SATL1: variants seen among roughly 807,000 people sequenced by gnomAD.
SATL1 encodes spermidine/spermine N1-acetyl transferase like 1, also known as spermidine/spermine N(1)-acetyltransferase-like protein 1.
In SATL1, 47 loss-of-function variants were observed where a neutral mutation model predicts 51.8. That is an observed-to-expected ratio of 0.91 (90% CI 0.72 to 1.16). The LOEUF (loss-of-function observed/expected upper bound fraction) is 1.16. SATL1 is among the 50% of genes most tolerant of loss of function. SATL1 has a pLI of 0.00. For missense variants in SATL1, 520 were observed against 526.4 expected (o/e 0.99, Z 0.12); for synonymous variants, 176 against 182.4 (o/e 0.97, Z 0.28).
At chrX:85,144,744 T>C (rs986436704) in intron 2 of SATL1, among the ~76,000 whole-genome samples, 3 of 111,912 alleles carry the variant, frequency 2.7e-5, no homozygotes, top group Non-Finnish European at 3.8e-5. Context: ...GAGTTGGGGC[T>C]GTCTGGGTGC....
At chrX:85,188,889 A>C (rs1246433405) in intron 2 of SATL1, among the ~76,000 whole-genome samples, 2 of 111,356 alleles carry the variant, frequency 1.8e-5, no homozygotes, top group Non-Finnish European at 3.8e-5. Context: ...TTCCCTTCTC[A>C]CTTCTAGTTC....
intron 3 of SATL1, among the ~76,000 whole-genome samples, chrX:85,105,266 G>A (rs1037138075): frequency 2.4e-4 from 27 of 110,768 alleles, no homozygotes; most frequent in African/African-American, 8.8e-4. Flanking sequence ...AAGCATTTTG[G>A]CTGCTGTGTA....
chrX:85,150,919 C>T (rs1170592100), intron 2 of SATL1, among the ~76,000 whole-genome samples: 1 of 110,239 alleles, frequency 9.1e-6, no homozygotes, highest in Non-Finnish European at 1.9e-5. Context: ...ACAGGGATGC[C>T]CTCTCTCACC....
chrX:85,117,843 C>T (rs1026066567), intron 2 of SATL1, among the ~76,000 whole-genome samples: 9 of 111,128 alleles, frequency 8.1e-5, no homozygotes, highest in Non-Finnish European at 3.8e-5. Context: ...AAAAAGCACA[C>T]TCAAGAATTT....
intron 2 of SATL1, among the ~76,000 whole-genome samples, chrX:85,189,534 C>T (rs867948458): frequency 3.6e-5 from 4 of 112,112 alleles, no homozygotes; most frequent in Non-Finnish European, 3.8e-5. Context: ...CTAACAGCTA[C>T]GTGGCATCCC....
At chrX:85,157,012 G>T (rs190060546) in intron 2 of SATL1, among the ~76,000 whole-genome samples, 1 of 106,761 alleles carries the variant, frequency 9.4e-6, no homozygotes, top group Admixed American at 1.0e-4. Context: ...TGTCATATTA[G>T]GCCACAAGTA....
chrX:85,134,749 A>G (rs1925907375), intron 2 of SATL1, among the ~76,000 whole-genome samples: 1 of 111,681 alleles, frequency 9.0e-6, no homozygotes, highest in Non-Finnish European at 1.9e-5. Flanking sequence ...TCTGAAGATA[A>G]CAAAATGCGA....
At chrX:85,157,268 AG>A (rs1308581281) in intron 2 of SATL1, among the ~76,000 whole-genome samples, 2 of 110,624 alleles carry the variant, frequency 1.8e-5, no homozygotes, top group Non-Finnish European at 3.8e-5. Flanking sequence ...GAGAGTGGCA[AG>A]ATACTTTCTA....
intron 2 of SATL1, among the ~76,000 whole-genome samples, chrX:85,146,419 C>T (rs780204224): frequency 8.9e-6 from 1 of 111,755 alleles, no homozygotes; most frequent in Non-Finnish European, 1.9e-5. Flanking sequence ...ATATGGATTG[C>T]ATTCCTGTAT....
chrX:85,103,649 T>C (rs1924955039), intron 4 of SATL1, among the ~76,000 whole-genome samples: 1 of 111,905 alleles, frequency 8.9e-6, no homozygotes, highest in Non-Finnish European at 1.9e-5. Context: ...CTGAAGTCTA[T>C]TGGAGCTGTA....
intron 2 of SATL1, among the ~76,000 whole-genome samples, chrX:85,115,839 A>G (rs950685750): frequency 1.8e-5 from 2 of 111,435 alleles, no homozygotes; most frequent in African/African-American, 3.3e-5. Context: ...CGTCCTGTCC[A>G]GGAGGGCCAT....
In SATL1 at chrX:85,108,288, G is replaced by T. The variant is rs1925142220; in HGVS notation, c.681C>A (p.Gly227=). ...GMSQQVPSQP[G]IRQPDTSQSC... is the part of the protein sequence containing the mutation. ...ATTGGCTAGTGTCTGGTTGCCTTAT[G>T]CCTGGTTGGCTGGGGACTTGCTGGC... is the stretch of plus-strand genomic sequence containing the variant. The change falls in exon 3 of 8, where the codon GGC becomes GGA. Residue 227 remains glycine, a synonymous_variant. Coordinates refer to ENST00000644105, the MANE Select transcript of SATL1 (RefSeq NM_001367857.2). The T allele has an allele frequency of 8.3e-7, 1 of 1,211,697 alleles. No individual in the cohort carries two copies. The highest frequency in any genetic ancestry group is 1.7e-5 in the African/African-American group (1 of 57,779).
chrX:85,211,457 A>G (rs888370731), intron 2 of SATL1: 7 of 111,513 alleles, frequency 6.3e-5, no homozygotes, highest in African/African-American at 2.3e-4. Flanking sequence ...GTTGATTTGT[A>G]TGGATTAGTT....
At chrX:85,214,851 G>A (rs1928007805) in intron 2 of SATL1, among the ~76,000 whole-genome samples, 1 of 111,813 alleles carries the variant, frequency 8.9e-6, no homozygotes, top group South Asian at 3.7e-4. Context: ...TTGACTCCAT[G>A]TCTTGCATCC....
intron 4 of SATL1, 95 bp from the exon 5 acceptor site, chrX:85,095,091 G>A (rs1924665310): frequency 2.0e-6 from 1 of 507,351 alleles, no homozygotes. Context: ...CTCTCCACCT[G>A]GATAGCAATT....
chrX:85,194,294 T>C (rs1927503664), intron 2 of SATL1, among the ~76,000 whole-genome samples: 1 of 111,469 alleles, frequency 9.0e-6, no homozygotes, highest in African/African-American at 3.3e-5. Flanking sequence ...AGTGCTGTGA[T>C]CAGATCTGCA....
intron 2 of SATL1, among the ~76,000 whole-genome samples, chrX:85,160,478 T>C (rs1025856923): frequency 9.1e-6 from 1 of 109,994 alleles, no homozygotes; most frequent in African/African-American, 3.3e-5. Context: ...ATAGCCAGTA[T>C]AGAAATGAAC....
intron 2 of SATL1, among the ~76,000 whole-genome samples, chrX:85,119,131 T>A (rs1473252756): frequency 9.0e-6 from 1 of 111,309 alleles, no homozygotes; most frequent in East Asian, 2.8e-4. Flanking sequence ...CACAATGAGT[T>A]AGGCATAAGG....
chrX:85,113,252 C>T (rs1365439587), intron 2 of SATL1, among the ~76,000 whole-genome samples: 2 of 110,928 alleles, frequency 1.8e-5, no homozygotes, highest in Non-Finnish European at 3.8e-5. Context: ...AGCGTGATGG[C>T]GTGAAGGCAA....
Sources: gnomAD v4.1 joint callset for allele counts (sites outside exome capture counted in the v4.1 genomes callset) on GRCh38, gnomAD v4.1.1 for gene constraint, MANE v1.5 for transcripts, NCBI Gene and HGNC (gene_info 2026-07-23, HGNC 2026-07-21) for gene names.